MAP7D1: variants seen among roughly 807,000 people sequenced by gnomAD.
MAP7D1 encodes MAP7 domain containing 1, also known as MAP7 domain-containing protein 1.
In MAP7D1, 30 loss-of-function variants were observed where a neutral mutation model predicts 97.5. The observed-to-expected ratio is 0.31, with a 90% confidence interval of 0.23 to 0.42. MAP7D1 has a LOEUF of 0.42. Ranked by LOEUF, MAP7D1 falls within the 10% of genes least tolerant of loss-of-function variation. The pLI is 1.00. For synonymous variants in MAP7D1, 536 were observed against 477.1 expected, an observed-to-expected ratio of 1.12 and a Z score of -1.61; for missense variants, 1,184 against 1,179.5, an observed-to-expected ratio of 1.00 and a Z score of -0.06.
At position 36,180,087 on chromosome 1, in the gene MAP7D1, G is replaced by C; in HGVS notation, c.2512+20G>C. ...TCACAGGTAGATCTCCTGATTCCTGGACCCAGCTCCATTCCTCCCAGCAGC... is the reference window on the plus strand; with the variant it reads ...TCACAGGTAGATCTCCTGATTCCTGCACCCAGCTCCATTCCTCCCAGCAGC... On this transcript the variant is annotated intron_variant, in intron 16 of 16. Transcript: ENST00000474796. The C allele has an allele frequency of 6.2e-7, 1 of 1,612,372 alleles. No homozygotes were observed. The highest frequency in any genetic ancestry group is 2.2e-5 in the East Asian group (1 of 44,878).
rs1198815246 is a variant in MAP7D1 at position 36,159,494 on chromosome 1, AGGGAAC to A, written c.46+3034_46+3039del. On this transcript the variant is annotated intron_variant, in intron 1 of 16. Coordinates refer to ENST00000474796, the MANE Select transcript of MAP7D1 (RefSeq NM_001388490.1). This position sits in a 1 kb window ranked among gnomAD's most constrained non-coding sequence, Gnocchi z 5.4. ...GGCAGACATGAGCTAGGGTGTATCC[AGGGAAC>A]GGAGGGGCCCCATACCTGAAGTGGA... Among the ~76,000 whole-genome samples the A allele has an allele frequency of 4.6e-5, 7 of 152,206 alleles. No individual in the cohort carries two copies. In the South Asian group the frequency reaches 1.4e-3, roughly 31 times the overall value.
At chr1:36,156,602 T>TGCG (rs146238681) in intron 1 of MAP7D1, 139 bp downstream of exon 1, 7 of 626,580 alleles carry the variant, frequency 1.1e-5, no homozygotes, top group South Asian at 3.8e-5. Flanking sequence ...AAATAAAGGC[T>TGCG]GCGGCGGCGG....
In MAP7D1 at chr1:36,177,980, C is replaced by T. The variant is rs763905933; in HGVS notation, c.1487C>T (p.Ser496Phe). Residue 496 changes from serine to phenylalanine, a missense_variant, in exon 9 of 17, where the codon TCC (serine) becomes TTC (phenylalanine). Coordinates refer to ENST00000474796, the MANE Select transcript of MAP7D1 (RefSeq NM_001388490.1). ...PGHTLPPKPP[S>F]PRGTTASPKG... ...CACACTCTGCCTCCAAAGCCACCGT[C>T]CCCCCGAGGCACCACTGCATCCCCC... is the stretch of plus-strand genomic sequence containing the variant. 2 of 1,608,456 alleles carry T rather than the reference C, an allele frequency of 1.2e-6. No individual in the cohort carries two copies. Among genetic ancestry groups the T allele is most frequent in the South Asian group, 1.1e-5 (1 of 90,678 alleles).
intron 5 of MAP7D1, 147 bp downstream of exon 5, chr1:36,173,625 T>C: frequency 1.7e-6 from 1 of 572,834 alleles, no homozygotes; most frequent in Non-Finnish European, 3.1e-6. Context: ...GAATGGTCTG[T>C]AAGCCAAACT....
intron 3 of MAP7D1, 38 bp downstream of exon 3, chr1:36,171,619 C>T (rs2124228749): frequency 1.2e-6 from 2 of 1,603,288 alleles, no homozygotes; most frequent in Middle Eastern, 1.7e-4. Context: ...TCTTCATCGT[C>T]ATCATCAGCA....
chr1:36,174,710 T>A (rs1045535150), intron 5 of MAP7D1, among the ~76,000 whole-genome samples, 188 bp from the exon 6 acceptor site: 3 of 150,478 alleles, frequency 2.0e-5, no homozygotes, highest in African/African-American at 2.5e-5. Context: ...CCAACCCAGG[T>A]TGTCTCTGGT....
chr1:36,157,432 C>G (rs1430427009), intron 1 of MAP7D1: 2 of 152,374 alleles, frequency 1.3e-5, no homozygotes, highest in Non-Finnish European at 2.9e-5. Flanking sequence ...CTCCCTCACC[C>G]CACCAACCAC....
intron 1 of MAP7D1, among the ~76,000 whole-genome samples, chr1:36,162,699 C>T (rs1437040711): frequency 1.3e-5 from 2 of 152,132 alleles, no homozygotes; most frequent in Admixed American, 6.6e-5. Flanking sequence ...TGGCTGGGGA[C>T]ATGCAGGTTC....
At chr1:36,165,486 A>G (rs1476307875) in intron 1 of MAP7D1, among the ~76,000 whole-genome samples, 8 of 140,938 alleles carry the variant, frequency 5.7e-5, no homozygotes, top group Admixed American at 1.4e-4. Context: ...TTTTAGAGAC[A>G]GGGTTTTGCT....
In MAP7D1 at chr1:36,159,233, T is replaced by C. The variant is rs1644377726; in HGVS notation, c.46+2770T>C. On this transcript the variant is annotated intron_variant, in intron 1 of 16. Transcript: ENST00000474796. This position sits in a 1 kb window ranked among gnomAD's most constrained non-coding sequence, Gnocchi z 5.4. ...CCACCGCGCCCGGCTAATTTTTGTA[T>C]TTTTAGTAGAGACAGGGTTTTGCCA... Among the ~76,000 whole-genome samples the C allele has an allele frequency of 6.6e-6, 1 of 152,114 alleles. No homozygotes were observed. The highest frequency in any genetic ancestry group is 1.5e-5 in the Non-Finnish European group (1 of 68,022).
At position 36,156,385 on chromosome 1, in the gene MAP7D1, T is replaced by C. The variant is rs1441792819; in HGVS notation, c.-33T>C. The C allele has an allele frequency of 4.0e-5, 60 of 1,482,494 alleles. No individual in the cohort carries two copies. Among genetic ancestry groups the C allele is most frequent in the Non-Finnish European group, 5.1e-5 (57 of 1,123,596 alleles). The allele number at this position is 1,482,494 out of a possible 1,614,324, so 91.8% of individuals were successfully genotyped here. ...CACTGGCCGCCGCCGCCGCCGCCGC[T>C]GAGACCCCGAGACCCCCAGTGACGC... is the stretch of plus-strand genomic sequence containing the variant. On this transcript the variant is annotated 5_prime_UTR_variant, in exon 1 of 17. An upstream open reading frame in the 5' UTR loses its in-frame stop. Transcript: ENST00000474796.
chr1:36,167,694 T>C (rs1250831108), intron 1 of MAP7D1, among the ~76,000 whole-genome samples: 1 of 152,226 alleles, frequency 6.6e-6, no homozygotes, highest in Non-Finnish European at 1.5e-5. Context: ...TGTCAGACTC[T>C]GAAGCCTGTG....
intron 12 of MAP7D1, 98 bp from the exon 13 acceptor site, chr1:36,179,164 G>A: frequency 1.3e-6 from 2 of 1,507,516 alleles, no homozygotes; most frequent in African/African-American, 2.7e-5. Flanking sequence ...GCTGCTATGA[G>A]CTGGGAGGCC....
intron 1 of MAP7D1, among the ~76,000 whole-genome samples, chr1:36,160,989 G>A (rs1644400949): frequency 6.6e-6 from 1 of 152,248 alleles, no homozygotes. Flanking sequence ...GCCCTGCTGG[G>A]GCTGAGGGAG....
Position 36,176,833 on chromosome 1 carries a change from C to T in MAP7D1, c.1370C>T (p.Ser457Phe), listed in dbSNP as rs192778247. The part of the protein sequence containing the change: ...PRARLSASTA[S>F]ELSPKSKARP... The stretch of plus-strand genomic sequence containing the variant: ...GCCCGCCTCTCTGCCAGCACCGCCT[C>T]TGAGCTCAGGTGGGCGCGGGCGGTG... Residue 457 changes from serine (S) to phenylalanine (F), a missense_variant, in exon 8 of 17, where the codon TCT becomes TTT. Physicochemically the swap from Ser to Phe is radical, Grantham distance 155. Coordinates refer to ENST00000474796, the MANE Select transcript of MAP7D1 (RefSeq NM_001388490.1). The surrounding 1 kb of genome is among the most constrained non-coding windows in gnomAD (Gnocchi z 6.1). The T allele has an allele frequency of 4.7e-4, 748 of 1,599,460 alleles. 4 individuals carry two copies. In the East Asian group the frequency reaches 9.9e-3, roughly 21 times the overall value.
rs1644614921 is a variant in MAP7D1 at position 36,176,093 on chromosome 1, G to A, written c.851-106G>A. 2 of 1,308,572 alleles carry A rather than the reference G, an allele frequency of 1.5e-6. No individual in the cohort carries two copies. The highest frequency in any genetic ancestry group is 2.2e-5 in the Admixed American group (1 of 44,654). The allele number at this position is 1,308,572 out of a possible 1,614,324, so 81.1% of individuals were successfully genotyped here. Reference sequence around the variant, plus strand: ...TTGTGGGGAGAGGACTCCCGGGTGAGAAGCCTTGGCCTTGGCATGGGGATG... The same window carrying A: ...TTGTGGGGAGAGGACTCCCGGGTGAAAAGCCTTGGCCTTGGCATGGGGATG... On this transcript the variant is annotated intron_variant, in intron 6 of 16. Coordinates refer to ENST00000474796, the MANE Select transcript of MAP7D1 (RefSeq NM_001388490.1). The surrounding 1 kb of genome is among the most constrained non-coding windows in gnomAD (Gnocchi z 6.1).
chr1:36,179,826 G>A, intron 15 of MAP7D1, 48 bp from the exon 16 acceptor site: 4 of 1,578,056 alleles, frequency 2.5e-6, no homozygotes, highest in Non-Finnish European at 3.4e-6. Flanking sequence ...GGGTGGCCTG[G>A]GCTTTCCTGG....
At position 36,176,224 on chromosome 1, in the gene MAP7D1, G is replaced by T; in HGVS notation, c.876G>T (p.Trp292Cys). 6.2e-7 allele frequency: 1 copy of T among 1,608,268 alleles called. No individual in the cohort carries two copies. Among genetic ancestry groups the T allele is most frequent in the Non-Finnish European group, 8.5e-7 (1 of 1,179,342 alleles). ...ATCGCAGCCTGCAGCTGAGCGCATG[G>T]GAGAGCAGCATCGTGGATCGTCTGA... Reference protein sequence around the residue: ...SRNRSLQLSAWESSIVDRLMT... With the variant: ...SRNRSLQLSACESSIVDRLMT... The change falls in exon 7 of 17, where the codon TGG (tryptophan) becomes TGT (cysteine). Residue 292 changes from tryptophan to cysteine, a missense_variant. By Grantham distance (215) the Trp-to-Cys change is radical. Coordinates refer to ENST00000474796, the MANE Select transcript of MAP7D1 (RefSeq NM_001388490.1). The surrounding 1 kb of genome is among the most constrained non-coding windows in gnomAD (Gnocchi z 6.1).
chr1:36,164,859 T>C (rs146759350), intron 1 of MAP7D1, among the ~76,000 whole-genome samples: 2 of 152,348 alleles, frequency 1.3e-5, no homozygotes, highest in African/African-American at 2.4e-5. Flanking sequence ...AGAGCGATGA[T>C]GGTGATGATG....
Sources: gnomAD v4.1 joint callset for allele counts (sites outside exome capture counted in the v4.1 genomes callset) on GRCh38, gnomAD v4.1.1 for gene constraint, Gnocchi (gnomAD v3.1) non-coding constraint, MANE v1.5 for transcripts, NCBI Gene and HGNC (gene_info 2026-07-23, HGNC 2026-07-21) for gene names.